ZNF880: variants seen among roughly 807,000 people sequenced by gnomAD.
ZNF880 encodes zinc finger protein 880.
A neutral mutation model predicts 11.8 loss-of-function variants in ZNF880; 12 were observed. The ratio of observed to expected loss-of-function variants is 1.02; its 90% CI spans 0.65 to 1.65. The LOEUF (loss-of-function observed/expected upper bound fraction) is 1.65, where lower values mean the gene tolerates loss of function less well. Among genes scored for constraint, ZNF880 ranks in the 40% most tolerant of loss-of-function variants. The probability of loss-of-function intolerance (pLI) is 0.00; values close to 1 mark genes in which losing one functional copy is unlikely to be tolerated. For synonymous variants in ZNF880, 210 were observed against 232.4 expected (o/e 0.90, Z 0.88); for missense variants, 601 against 673.9 (o/e 0.89, Z 1.20).
chr19:52,377,412 C>T (rs1239404173), intron 3 of ZNF880, among the ~76,000 whole-genome samples: 1 of 152,114 alleles, frequency 6.6e-6, no homozygotes, highest in Non-Finnish European at 1.5e-5. Context: ...GGGATTTCTA[C>T]GCACCAACAA....
intron 2 of ZNF880, 97 bp from the exon 3 acceptor site, chr19:52,374,202 G>A (rs551080551): frequency 2.5e-5 from 27 of 1,093,614 alleles, no homozygotes; most frequent in African/African-American, 1.4e-4. Flanking sequence ...CCGCCACCAC[G>A]CCCCGCTAAT....
chr19:52,379,031 C>T (rs1986633386), intron 3 of ZNF880, among the ~76,000 whole-genome samples: 1 of 151,942 alleles, frequency 6.6e-6, no homozygotes, highest in Non-Finnish European at 1.5e-5. Flanking sequence ...GCCATGATGG[C>T]GTCACTGAAC....
At chr19:52,369,441 C>T (rs1986282561), upstream of ZNF880, among the ~76,000 whole-genome samples, 1 of 151,154 alleles carries the variant, frequency 6.6e-6, no homozygotes, top group African/African-American at 2.4e-5. Flanking sequence ...AATTTGCATC[C>T]CCTTCATAAA....
At position 52,373,141 on chromosome 19, in the gene ZNF880, G is replaced by A. The variant is rs375671601; in HGVS notation, c.43G>A (p.Glu15Lys). 5.0e-5 allele frequency: 81 copies of A among 1,613,390 alleles called. No individual in the cohort carries two copies. The African/African-American group carries it at 1.0e-3, about 20-fold the overall frequency. ...GHLAFRDVAI[E>K]FPQEEWKCLD... is the part of the protein sequence containing the mutation. ...CTTGGCATTCAGGGACGTGGCCATA[G>A]AATTCCCTCAGGAGGAGTGGAAATG... The change falls in exon 2 of 4, where the codon GAA (glutamate) becomes AAA (lysine). Residue 15 changes from glutamate to lysine, a missense_variant. Coordinates refer to ENST00000422689, the MANE Select transcript of ZNF880 (RefSeq NM_001145434.2).
chr19:52,370,061 C>T, intron 1 of ZNF880, 84 bp downstream of exon 1: 1 of 1,494,506 alleles, frequency 6.7e-7, no homozygotes, highest in Non-Finnish European at 9.1e-7. Flanking sequence ...GTCACACAGA[C>T]CTTGAAATCC....
downstream of ZNF880, among the ~76,000 whole-genome samples, chr19:52,386,756 C>G (rs1162934408): frequency 1.5e-5 from 2 of 130,500 alleles, no homozygotes; most frequent in African/African-American, 3.1e-5. Flanking sequence ...GAGCCAAGAT[C>G]GCACCATTGC....
intron 3 of ZNF880, among the ~76,000 whole-genome samples, chr19:52,375,959 T>C (rs1392483430): frequency 6.6e-6 from 1 of 152,234 alleles, no homozygotes; most frequent in East Asian, 1.9e-4. Flanking sequence ...TTTAGAATAA[T>C]GGCCTTCAAT....
the ZNF880 span, chr19:52,392,833 A>AT: frequency 0.24 from 42,574 of 174,972 alleles, 5,924 homozygotes; most frequent in African/African-American, 0.4. Context: ...ATATATATAT[A>AT]TTTTTTGAGA....
the ZNF880 span, among the ~76,000 whole-genome samples, chr19:52,393,978 A>G: frequency 4.6e-5 from 7 of 151,658 alleles, no homozygotes; most frequent in Non-Finnish European, 1.0e-4. Context: ...CTGGGACTAC[A>G]GGCACCCGCC....
chr19:52,389,710 T>C (rs148079988), downstream of ZNF880: 1 of 152,256 alleles, frequency 6.6e-6, no homozygotes, highest in East Asian at 1.9e-4. Flanking sequence ...GAGTAGTGAG[T>C]AGTCTGTGTG....
At chr19:52,388,114 G>GGA (rs1181813807), downstream of ZNF880, among the ~76,000 whole-genome samples, 1 of 106,444 alleles carries the variant, frequency 9.4e-6, no homozygotes. Flanking sequence ...TCCTGACCTT[G>GGA]TGATCCACCC....
chr19:52,372,943 T>G (rs924892094), intron 1 of ZNF880, among the ~76,000 whole-genome samples, 168 bp from the exon 2 acceptor site: 13 of 146,284 alleles, frequency 8.9e-5, no homozygotes, highest in Non-Finnish European at 1.8e-4. Flanking sequence ...AAGAATGTCA[T>G]AACTTCTAAT....
At chr19:52,397,560 T>C in the ZNF880 span, 1 of 152,196 alleles carries the variant, frequency 6.6e-6, no homozygotes, top group African/African-American at 2.4e-5. Context: ...CTCTTTACTC[T>C]CTCTCTTCTC....
chr19:52,384,532 C>G lies in ZNF880; in HGVS notation c.952C>G (p.His318Asp), dbSNP rs1986807368. 1.9e-6 allele frequency: 3 copies of G among 1,613,972 alleles called. No individual in the cohort carries two copies. In the African/African-American group the frequency reaches 4.0e-5, roughly 22 times the overall value. The change falls in exon 4 of 4, where the codon CAT becomes GAT. Residue 318 changes from histidine (H) to aspartate (D), a missense_variant. By Grantham distance (81) the His-to-Asp change is moderately conservative. Around this residue, in one of 3 missense-constraint regions of ZNF880, gnomAD observed 420 missense variants for 442.6 expected, o/e 0.95. Coordinates refer to ENST00000422689, the MANE Select transcript of ZNF880 (RefSeq NM_001145434.2). Reference sequence around the variant, plus strand: ...ACACCTTGCACGACATCAGAAAATTCATAGTGGAGAGAAACCTTACAAATG... The same window carrying G: ...ACACCTTGCACGACATCAGAAAATTGATAGTGGAGAGAAACCTTACAAATG... ...NAHLARHQKIHSGEKPYKCKE... is the reference protein window; with the variant it reads ...NAHLARHQKIDSGEKPYKCKE...
At chr19:52,379,562 C>T (rs1156950603) in intron 3 of ZNF880, 2 of 372,946 alleles carry the variant, frequency 5.4e-6, no homozygotes, top group Non-Finnish European at 5.3e-6. Flanking sequence ...CGCCTGGCCT[C>T]ATTTTTAATT....
rs549919348 is a variant in ZNF880, at chr19:52,374,815, A to G, written c.268+388A>G. On this transcript the variant is annotated intron_variant, in intron 3 of 3. Transcript: ENST00000422689. The stretch of plus-strand genomic sequence containing the variant: ...GTGGTGGTGTGATCGTAGCCCGTGT[A>G]CCCTCAGTCTTTGGGCTCATATGAT... 5 of 436,582 alleles carry G rather than the reference A, an allele frequency of 1.1e-5. No homozygotes were observed. In the South Asian group the frequency reaches 1.3e-4, roughly 11 times the overall value. The allele number at this position is 436,582 out of a possible 1,614,324, so 27.0% of individuals were successfully genotyped here.
chr19:52,373,269 C>G, intron 2 of ZNF880, 32 bp downstream of exon 2: 1 of 1,595,138 alleles, frequency 6.3e-7, no homozygotes, highest in South Asian at 1.1e-5. Context: ...AAGTCAAGAT[C>G]TGCCCTGGTG....
the ZNF880 span, among the ~76,000 whole-genome samples, chr19:52,394,234 G>C: frequency 2.0e-5 from 3 of 151,868 alleles, 1 homozygote; most frequent in Middle Eastern, 6.8e-3. Context: ...AAATATACAA[G>C]ATTATTATTA....
At chr19:52,396,718 G>T in the ZNF880 span, 1 of 152,456 alleles carries the variant, frequency 6.6e-6, no homozygotes, top group East Asian at 1.9e-4. Context: ...CTAGAAGCTG[G>T]AGACCAGCCT....
Sources: gnomAD v4.1 joint callset for allele counts (sites outside exome capture counted in the v4.1 genomes callset) on GRCh38, gnomAD v4.1.1 for gene constraint, gnomAD v4.1.1 regional missense constraint, MANE v1.5 for transcripts, NCBI Gene and HGNC (gene_info 2026-07-23, HGNC 2026-07-21) for gene names.